The following CMIP variants were observed in gnomAD, a reference collection of about 807,000 sequenced individuals.
CMIP encodes the protein C-Maf-inducing protein.
Under a neutral mutation model 97.3 loss-of-function variants are expected in CMIP, and 13 were observed. The observed-to-expected ratio is 0.13, with a 90% CI of 0.09 to 0.21. CMIP has a LOEUF of 0.21. CMIP is among the 10% of genes least tolerant of loss of function. CMIP has a pLI of 1.00. For missense variants in CMIP, 847 were observed against 1,024.9 expected (o/e 0.83, Z 2.37); for synonymous variants, 538 against 436.3 (o/e 1.23, Z -2.91).
rs542344838 is a variant in CMIP at position 81,532,561 on chromosome 16, G to A, written c.301-75006G>A. Among the ~76,000 whole-genome samples the A allele has an allele frequency of 1.5e-4, 23 of 152,306 alleles. No homozygotes were observed. In the South Asian group the frequency reaches 4.6e-3, roughly 30 times the overall value. ...GCCCTCGCTCAGTCTCGCCACCACA[G>A]GAGGCCTCGGCTTGCCCAGCAGCTG... On this transcript the variant is annotated intron_variant, in intron 1 of 20. Transcript: ENST00000537098.
chr16:81,508,443 A>G (rs955709060), intron 1 of CMIP, among the ~76,000 whole-genome samples: 11 of 152,370 alleles, frequency 7.2e-5, no homozygotes, highest in African/African-American at 2.2e-4. Context: ...ATATCAGGAC[A>G]GCTTCCCTGT....
At chr16:81,679,025 T>C (rs1809359584) in intron 10 of CMIP, among the ~76,000 whole-genome samples, 1 of 152,192 alleles carries the variant, frequency 6.6e-6, no homozygotes, top group South Asian at 2.1e-4. Flanking sequence ...TGTGAGGATC[T>C]GGATACATCT....
intron 4 of CMIP, among the ~76,000 whole-genome samples, chr16:81,656,412 C>G (rs967912694): frequency 2.0e-5 from 3 of 152,218 alleles, no homozygotes; most frequent in Non-Finnish European, 4.4e-5. Context: ...TTACAAGCAG[C>G]CAATGTGGCT....
chr16:81,529,964 G>T (rs1018522678), intron 1 of CMIP, among the ~76,000 whole-genome samples: 17 of 152,216 alleles, frequency 1.1e-4, no homozygotes, highest in Non-Finnish European at 1.5e-5. Context: ...TTATACATGG[G>T]CAGGTGCAGG....
At chr16:81,500,641 A>G (rs1207691195) in intron 1 of CMIP, among the ~76,000 whole-genome samples, 1 of 151,570 alleles carries the variant, frequency 6.6e-6, no homozygotes, top group Admixed American at 6.6e-5. Context: ...GGCGCGTGCC[A>G]CCACATCCAG....
chr16:81,596,962 C>T (rs1302951520), intron 1 of CMIP, among the ~76,000 whole-genome samples: 2 of 152,210 alleles, frequency 1.3e-5, no homozygotes, highest in Non-Finnish European at 2.9e-5. Flanking sequence ...TTGTGTAGGT[C>T]ATCTATGTGT....
At position 81,710,077 on chromosome 16, in the gene CMIP, T is replaced by G. The variant is rs1908592448; in HGVS notation, c.*278T>G. ...GAGCATCAGCGGGTCGGGGAGGGGTTTGGGGGTGGGCTGGGGGGTGGGGGA... is the reference window on the plus strand; with the variant it reads ...GAGCATCAGCGGGTCGGGGAGGGGTGTGGGGGTGGGCTGGGGGGTGGGGGA... On this transcript the variant is annotated 3_prime_UTR_variant, in exon 21 of 21. Transcript: ENST00000537098. 1 of 29,680 alleles carries G rather than the reference T, an allele frequency of 3.4e-5. No homozygotes were observed. The highest frequency in any genetic ancestry group is 6.2e-5 in the Non-Finnish European group (1 of 16,176). The allele number at this position is 29,680 out of a possible 1,614,324, so 1.8% of individuals were successfully genotyped here. A position where few individuals can be genotyped will look rare whatever the true frequency, so the allele number is the denominator to read the frequency against.
chr16:81,563,150 C>CTT (rs2090917176), intron 1 of CMIP, among the ~76,000 whole-genome samples: 1 of 152,244 alleles, frequency 6.6e-6, no homozygotes. Flanking sequence ...CAAGAGGGGG[C>CTT]TTTGTCTTCC....
chr16:81,454,917 A>ATGAGCAGAGGGAACAG (rs1220420700), intron 1 of CMIP, among the ~76,000 whole-genome samples: 1 of 152,136 alleles, frequency 6.6e-6, no homozygotes. Context: ...GGAGGTGGGA[A>ATGAGCAGAGGGAACAG]TGAGCAGAGG....
intron 9 of CMIP, among the ~76,000 whole-genome samples, chr16:81,677,557 C>T (rs1470998305): frequency 7.2e-5 from 11 of 152,210 alleles, no homozygotes; most frequent in African/African-American, 2.7e-4. Flanking sequence ...GGTCAAGGCT[C>T]TGACAAGTCC....
chr16:81,691,544 A>AC, intron 10 of CMIP: 3 of 584,082 alleles, frequency 5.1e-6, no homozygotes, highest in Non-Finnish European at 6.1e-6. Context: ...TAGACAGCTC[A>AC]CCCCCTCGGG....
chr16:81,648,871 T>C (rs1273556144), intron 3 of CMIP, among the ~76,000 whole-genome samples: 2 of 148,762 alleles, frequency 1.3e-5, no homozygotes, highest in African/African-American at 5.0e-5. Flanking sequence ...TCCCTCACTC[T>C]TTAGGAACGT....
intron 3 of CMIP, among the ~76,000 whole-genome samples, chr16:81,634,017 G>A (rs73598491): frequency 4.7e-4 from 71 of 152,332 alleles, no homozygotes; most frequent in African/African-American, 1.7e-3. Context: ...ATTTTGAACC[G>A]GTAGCTCAGT....
Position 81,711,259 on chromosome 16 carries a change from C to T in CMIP, c.*1460C>T, listed in dbSNP as rs151299098. The T allele has an allele frequency of 0.017, 2,545 of 152,528 alleles. 35 individuals are homozygous for T. The highest frequency in any genetic ancestry group is 0.047 in the South Asian group (228 of 4,812). The allele number at this position is 152,528 out of a possible 1,614,324, so 9.4% of individuals were successfully genotyped here. The stretch of plus-strand genomic sequence containing the variant: ...CTCCGGCACCTCCAAACCTACCCCA[C>T]AGTCAGTGTACTTGTTTTATATATA... On this transcript the variant is annotated 3_prime_UTR_variant, in exon 21 of 21. Transcript: ENST00000537098.
chr16:81,513,263 G>A (rs542730673), intron 1 of CMIP, among the ~76,000 whole-genome samples: 30 of 152,224 alleles, frequency 2.0e-4, no homozygotes, highest in Middle Eastern at 3.2e-3. Flanking sequence ...CCAGAGTGTG[G>A]GGCTTCCTGC....
chr16:81,473,469 C>G (rs1597458471), intron 1 of CMIP, among the ~76,000 whole-genome samples: 1 of 147,884 alleles, frequency 6.8e-6, no homozygotes, highest in African/African-American at 2.5e-5. Flanking sequence ...TCCCTTTCTT[C>G]TTCTTTTTAA....
At chr16:81,517,972 A>AT (rs1242764127) in intron 1 of CMIP, 2 of 951,414 alleles carry the variant, frequency 2.1e-6, no homozygotes, top group Admixed American at 6.2e-5. Flanking sequence ...GATGTGTGGA[A>AT]TTTTTTCACA....
chr16:81,580,636 A>T (rs891090922), intron 1 of CMIP, among the ~76,000 whole-genome samples: 1 of 151,696 alleles, frequency 6.6e-6, no homozygotes, highest in Non-Finnish European at 1.5e-5. Flanking sequence ...GGGTTTTGCC[A>T]TGTTGGCCAG....
rs182375254 is a variant in CMIP at position 81,581,294 on chromosome 16, G to C, written c.301-26273G>C. 1.6e-4 allele frequency among the ~76,000 whole-genome samples: 25 copies of C among 152,288 alleles called. No individual in the cohort carries two copies. In the East Asian group the frequency reaches 4.4e-3, roughly 27 times the overall value. On this transcript the variant is annotated intron_variant, in intron 1 of 20. Transcript: ENST00000537098. ...ACGATGGGGATACGTTCCGGGAAGC[G>C]CGTAGTTAGGTGATTTAGTCACTGA...
Sources: gnomAD v4.1 joint callset for allele counts (sites outside exome capture counted in the v4.1 genomes callset) on GRCh38, gnomAD v4.1.1 for gene constraint, MANE v1.5 for transcripts, NCBI Gene and HGNC (gene_info 2026-07-23, HGNC 2026-07-21) for gene names.